ZNF787: variants seen among roughly 807,000 people sequenced by gnomAD.
ZNF787 encodes the protein zinc finger protein 787, also known as TTF-I-interacting peptide 20.
A neutral mutation model predicts 16.9 loss-of-function variants in ZNF787; 7 were observed. The ratio of observed to expected loss-of-function variants is 0.42; its 90% CI spans 0.24 to 0.78. ZNF787 has a LOEUF of 0.78. Among genes scored for constraint, ZNF787 ranks in the 30% least tolerant of loss-of-function variants. ZNF787 has a pLI of 0.30. For synonymous variants in ZNF787, 345 were observed against 270.9 expected (o/e 1.27, Z -2.69); for missense variants, 551 against 589.3 (o/e 0.94, Z 0.67).
rs187874945 is a variant in ZNF787 at position 56,088,083 on chromosome 19, G to A, written c.1089C>T (p.Asp363=). ...SYYRAGGEEE[D]DDDEAAGGRC... ...GCCCGCCCGCGGCCTCGTCGTCGTC[G>A]TCCTCCTCCTCCCCGCCCGCGCGGT... Residue 363 remains aspartate, a synonymous_variant, in exon 3 of 3, where the codon GAC becomes GAT. Coordinates refer to ENST00000610935, the MANE Select transcript of ZNF787 (RefSeq NM_001002836.4). This position sits in a 1 kb window ranked among gnomAD's most constrained non-coding sequence, Gnocchi z 8.6. 11 of 1,491,062 alleles carry A rather than the reference G, an allele frequency of 7.4e-6. No individual in the cohort carries two copies. Among genetic ancestry groups the A allele is most frequent in the Middle Eastern group, 2.4e-4 (1 of 4,140 alleles). 92.4% of individuals were successfully genotyped at this position (1,491,062 alleles called of 1,614,324 possible). A position where few individuals can be genotyped will look rare whatever the true frequency, so the allele number is the denominator to read the frequency against.
intron 2 of ZNF787, among the ~76,000 whole-genome samples, chr19:56,093,760 G>C (rs1472693696): frequency 6.6e-6 from 1 of 152,192 alleles, no homozygotes; most frequent in East Asian, 1.9e-4. Flanking sequence ...TCCGAGCATA[G>C]TCATGTTGAC....
In ZNF787 at chr19:56,088,063, C is replaced by CCCGCGGCCTCGTCGTCGTCGT; in HGVS notation, c.1088_1108dup (p.Asp363_Ala369dup). 1 of 1,449,410 alleles carries CCCGCGGCCTCGTCGTCGTCGT rather than the reference C, an allele frequency of 6.9e-7. No homozygotes were observed. The highest frequency in any genetic ancestry group is 1.4e-5 in the South Asian group (1 of 73,560). The allele number at this position is 1,449,410 out of a possible 1,614,324, so 89.8% of individuals were successfully genotyped here. Reference sequence around the variant, plus strand: ...ACCGCGGCACTCGGGGCACCGCCCGCCCGCGGCCTCGTCGTCGTCGTCCTC... The same window carrying CCCGCGGCCTCGTCGTCGTCGT: ...ACCGCGGCACTCGGGGCACCGCCCGCCCGCGGCCTCGTCGTCGTCGTCCGCGGCCTCGTCGTCGTCGTCCTC... On this transcript the variant is annotated inframe_insertion, in exon 3 of 3. Transcript: ENST00000610935. This position sits in a 1 kb window ranked among gnomAD's most constrained non-coding sequence, Gnocchi z 8.6.
At chr19:56,103,039 G>A (rs1479017154) in intron 2 of ZNF787, 100 bp downstream of exon 2, 1 of 1,387,320 alleles carries the variant, frequency 7.2e-7, no homozygotes, top group Non-Finnish European at 1.0e-6. Flanking sequence ...CCCCAAGAGG[G>A]GAAAACAGGG....
At chr19:56,106,525 G>A (rs1469024521) in intron 1 of ZNF787, among the ~76,000 whole-genome samples, 1 of 152,238 alleles carries the variant, frequency 6.6e-6, no homozygotes, top group Non-Finnish European at 1.5e-5. Context: ...TGAGGTGGAG[G>A]CGGGCACAAC....
intron 1 of ZNF787, among the ~76,000 whole-genome samples, chr19:56,107,845 G>C (rs1010351082): frequency 6.6e-6 from 1 of 151,638 alleles, no homozygotes; most frequent in Non-Finnish European, 1.5e-5. Flanking sequence ...GGGAGAGGCC[G>C]CTCGAAGGCC....
chr19:56,090,085 G>A (rs1000402355), intron 2 of ZNF787, among the ~76,000 whole-genome samples: 2 of 152,120 alleles, frequency 1.3e-5, no homozygotes, highest in Non-Finnish European at 2.9e-5. Flanking sequence ...CAATTACAAC[G>A]TTCTCACTCC....
At chr19:56,093,709 G>A (rs1002293610) in intron 2 of ZNF787, among the ~76,000 whole-genome samples, 1 of 152,184 alleles carries the variant, frequency 6.6e-6, no homozygotes, top group African/African-American at 2.4e-5. Flanking sequence ...TCCCTTTTCC[G>A]TGAGTCATAA....
chr19:56,107,710 C>A (rs2029876662), intron 1 of ZNF787, among the ~76,000 whole-genome samples: 1 of 151,184 alleles, frequency 6.6e-6, no homozygotes, highest in South Asian at 2.1e-4. Context: ...AAGTGACGGG[C>A]AGCTCTGTTG....
Position 56,088,619 on chromosome 19 carries a change from G to A in ZNF787, c.553C>T (p.Arg185Cys). 2 of 1,524,884 alleles carry A rather than the reference G, an allele frequency of 1.3e-6. No individual in the cohort carries two copies. Among genetic ancestry groups the A allele is most frequent in the Non-Finnish European group, 1.7e-6 (2 of 1,143,662 alleles). The allele number at this position is 1,524,884 out of a possible 1,614,324, so 94.5% of individuals were successfully genotyped here. ...AGGCTCTTGGGCTGGCTGAAGCCGC[G>A]GCCGCAGCGCGGGCACACGAAGGGC... ...LKPFVCPRCG[R>C]GFSQPKSLAR... is the part of the protein sequence containing the mutation. Residue 185 changes from arginine (R) to cysteine (C), a missense_variant, in exon 3 of 3, where the codon CGC becomes TGC. Transcript: ENST00000610935. The surrounding 1 kb of genome is among the most constrained non-coding windows in gnomAD (Gnocchi z 8.6).
chr19:56,105,200 C>A (rs1346755265), intron 1 of ZNF787, among the ~76,000 whole-genome samples: 1 of 152,122 alleles, frequency 6.6e-6, no homozygotes, highest in East Asian at 1.9e-4. Flanking sequence ...GCCCTCCCAG[C>A]CCTTCTCCCA....
rs1028400671 is a variant in ZNF787, at chr19:56,109,416, G to A, written c.-10-6189C>T. On this transcript the variant is annotated intron_variant, in intron 1 of 2. Coordinates refer to ENST00000610935, the MANE Select transcript of ZNF787 (RefSeq NM_001002836.4). ...CGCCCTCCTCGTAGAGGAAGAGGACGTGCTCATCACCAGCACCGGGAGCTG... is the reference window on the plus strand; with the variant it reads ...CGCCCTCCTCGTAGAGGAAGAGGACATGCTCATCACCAGCACCGGGAGCTG... Among the ~76,000 whole-genome samples, 112 of 152,288 alleles carry A rather than the reference G, an allele frequency of 7.4e-4. 1 individual carries two copies. The highest frequency in any genetic ancestry group is 1.4e-3 in the Non-Finnish European group (95 of 68,016).
chr19:56,104,828 C>T (rs989621222), intron 1 of ZNF787, among the ~76,000 whole-genome samples: 9 of 152,372 alleles, frequency 5.9e-5, no homozygotes, highest in African/African-American at 2.4e-5. Context: ...CCAGATCTCT[C>T]TTTTAAAACA....
intron 1 of ZNF787, among the ~76,000 whole-genome samples, chr19:56,119,727 G>A (rs1401078695): frequency 1.3e-5 from 2 of 152,246 alleles, no homozygotes; most frequent in African/African-American, 2.4e-5. Context: ...CCGGATGGAT[G>A]GATAAGACAT....
chr19:56,106,098 T>G (rs563159504), intron 1 of ZNF787, among the ~76,000 whole-genome samples: 4 of 121,284 alleles, frequency 3.3e-5, no homozygotes, highest in African/African-American at 1.3e-4. Context: ...CATTCCCCCT[T>G]CCGCGCCCAC....
At chr19:56,116,027 G>A (rs2030127014) in intron 1 of ZNF787, among the ~76,000 whole-genome samples, 3 of 152,152 alleles carry the variant, frequency 2.0e-5, no homozygotes, top group Non-Finnish European at 2.9e-5. Context: ...CACAAAACGC[G>A]CTGCCCTGGA....
intron 1 of ZNF787, among the ~76,000 whole-genome samples, chr19:56,104,719 G>A (rs986180790): frequency 6.6e-6 from 1 of 152,060 alleles, no homozygotes; most frequent in Non-Finnish European, 1.5e-5. Context: ...GCACTGTGAG[G>A]GTTCTCTACG....
chr19:56,103,027 G>C, intron 2 of ZNF787, 112 bp downstream of exon 2: 1 of 1,236,640 alleles, frequency 8.1e-7, no homozygotes, highest in Non-Finnish European at 1.2e-6. Flanking sequence ...GTGGTCCCAG[G>C]GCCCCAAGAG....
At chr19:56,114,510 T>C (rs1423947409) in intron 1 of ZNF787, among the ~76,000 whole-genome samples, 1 of 151,584 alleles carries the variant, frequency 6.6e-6, no homozygotes, top group African/African-American at 2.4e-5. Context: ...TTCCTCCACC[T>C]GCCCCGGCCA....
rs917574134 is a variant in ZNF787, at chr19:56,087,845, C to T, written c.*178G>A. ...TCTCGAGGCGGAGAAGTGAACGGGCCCTAATACGCCCCAGTGCCCCCCCAC... is the reference window on the plus strand; with the variant it reads ...TCTCGAGGCGGAGAAGTGAACGGGCTCTAATACGCCCCAGTGCCCCCCCAC... On this transcript the variant is annotated 3_prime_UTR_variant, in exon 3 of 3. Coordinates refer to ENST00000610935, the MANE Select transcript of ZNF787 (RefSeq NM_001002836.4). The T allele has an allele frequency of 2.9e-6, 3 of 1,034,338 alleles. No homozygotes were observed. The highest frequency in any genetic ancestry group is 4.5e-5 in the Admixed American group (1 of 22,404). The allele number at this position is 1,034,338 out of a possible 1,614,324, so 64.1% of individuals were successfully genotyped here.
Sources: allele counts gnomAD v4.1 joint callset (sites outside exome capture counted in the v4.1 genomes callset), GRCh38; gene constraint gnomAD v4.1.1; non-coding constraint Gnocchi (gnomAD v3.1); transcripts MANE v1.5; gene names NCBI Gene and HGNC (gene_info 2026-07-23, HGNC 2026-07-21).